Variants in ALK observed in about 807,000 individuals in gnomAD.
The protein encoded by ALK is ALK receptor tyrosine kinase, also known as ALK tyrosine kinase receptor.
In ALK, 74 loss-of-function variants were observed where a neutral mutation model predicts 163.1. The ratio of observed to expected loss-of-function variants is 0.45; its 90% confidence interval spans 0.38 to 0.55. The LOEUF (loss-of-function observed/expected upper bound fraction) is 0.55. Among genes scored for constraint, ALK ranks in the 20% least tolerant of loss-of-function variants. ALK has a pLI of 0.00. For synonymous variants in ALK, 960 were observed against 843.2 expected (o/e 1.14, Z -2.40); for missense variants, 2,063 against 2,105.3 (o/e 0.98, Z 0.39).
chr2:29,499,412 T>G (rs2148130880), intron 4 of ALK, among the ~76,000 whole-genome samples: 1 of 152,262 alleles, frequency 6.6e-6, no homozygotes, highest in East Asian at 1.9e-4. Context: ...GTCAGGTTGG[T>G]TTTGAACCCC....
intron 3 of ALK, among the ~76,000 whole-genome samples, chr2:29,672,079 G>A (rs1677709471): frequency 7.1e-6 from 1 of 141,838 alleles, no homozygotes; most frequent in Non-Finnish European, 1.5e-5. Flanking sequence ...ATTTGAATTA[G>A]AGTCTCAGAT....
At chr2:29,293,776 T>C (rs1666102456) in intron 9 of ALK, among the ~76,000 whole-genome samples, 1 of 150,938 alleles carries the variant, frequency 6.6e-6, no homozygotes, top group South Asian at 2.1e-4. Flanking sequence ...TATTAGGGAG[T>C]TTTAAAGGCA....
chr2:29,557,991 C>T (rs1417246259), intron 3 of ALK, among the ~76,000 whole-genome samples: 3 of 152,174 alleles, frequency 2.0e-5, no homozygotes, highest in Admixed American at 1.3e-4. Context: ...CTCTTTCCTC[C>T]TCCAGGTCTG....
intron 1 of ALK, among the ~76,000 whole-genome samples, chr2:29,886,659 G>C (rs4547492): frequency 1.3e-5 from 2 of 152,184 alleles, no homozygotes; most frequent in African/African-American, 4.8e-5. Context: ...GGGTGAAAGA[G>C]ACACTCAAGT....
chr2:29,386,906 G>T (rs888759751), intron 4 of ALK, among the ~76,000 whole-genome samples: 1 of 152,220 alleles, frequency 6.6e-6, no homozygotes, highest in Non-Finnish European at 1.5e-5. Flanking sequence ...TTCTTGGTCT[G>T]CCTCCATTTT....
chr2:29,677,988 T>A (rs1488750487), intron 3 of ALK, among the ~76,000 whole-genome samples: 4 of 152,082 alleles, frequency 2.6e-5, no homozygotes, highest in Non-Finnish European at 5.9e-5. Context: ...CAGATTTTAA[T>A]ATTTCTTCCT....
intron 1 of ALK, among the ~76,000 whole-genome samples, chr2:29,888,264 A>ATTTTTTTTTTTT (rs1401782243): frequency 1.5e-4 from 21 of 142,282 alleles, no homozygotes; most frequent in African/African-American, 5.0e-4. Flanking sequence ...TTTTTTTTAA[A>ATTTTTTTTTTTT]AAAAGGGAAA....
chr2:29,418,511 C>T (rs1430156230), intron 4 of ALK, among the ~76,000 whole-genome samples: 1 of 152,148 alleles, frequency 6.6e-6, no homozygotes, highest in African/African-American at 2.4e-5. Flanking sequence ...AGACTGTACC[C>T]ACGATGTAAT....
intron 3 of ALK, among the ~76,000 whole-genome samples, chr2:29,599,296 A>G (rs1281384712): frequency 6.6e-6 from 1 of 152,228 alleles, no homozygotes; most frequent in African/African-American, 2.4e-5. Context: ...CAGATGTGAT[A>G]AAATAAAAAT....
At chr2:29,591,804 T>A (rs1043639359) in intron 3 of ALK, among the ~76,000 whole-genome samples, 10 of 150,196 alleles carry the variant, frequency 6.7e-5, no homozygotes, top group Non-Finnish European at 1.3e-4. Context: ...CATCCCTGAG[T>A]GGCAGAAGCG....
chr2:29,735,774 A>T (rs554827130), intron 1 of ALK, among the ~76,000 whole-genome samples: 85 of 152,114 alleles, frequency 5.6e-4, no homozygotes, highest in South Asian at 4.1e-3. Context: ...TTCTTTCTCC[A>T]GCTGCCATGT....
intron 20 of ALK, among the ~76,000 whole-genome samples, chr2:29,222,838 T>C (rs551063714): frequency 6.6e-6 from 1 of 152,258 alleles, no homozygotes; most frequent in African/African-American, 2.4e-5. Context: ...ATGACAATGG[T>C]CAAATGTTTA....
intron 1 of ALK, among the ~76,000 whole-genome samples, chr2:29,833,396 T>C (rs975427829): frequency 1.3e-5 from 2 of 152,216 alleles, no homozygotes; most frequent in African/African-American, 4.8e-5. Flanking sequence ...CTGCCTGTTT[T>C]CAGGTCCATC....
intron 3 of ALK, among the ~76,000 whole-genome samples, chr2:29,687,763 C>G (rs907888216): frequency 2.0e-5 from 3 of 152,046 alleles, no homozygotes; most frequent in African/African-American, 7.2e-5. Context: ...CATTCTTTAA[C>G]TTGCTTTTTG....
chr2:29,207,034 C>T (rs1276305645), intron 26 of ALK, 137 bp downstream of exon 26: 3 of 727,806 alleles, frequency 4.1e-6, no homozygotes, highest in Non-Finnish European at 7.5e-6. Flanking sequence ...TTGAGAACCA[C>T]TGTTGTCGGG....
intron 1 of ALK, among the ~76,000 whole-genome samples, chr2:29,725,756 G>T (rs1679554006): frequency 6.6e-6 from 1 of 152,058 alleles, no homozygotes; most frequent in Non-Finnish European, 1.5e-5. Flanking sequence ...TCAAGACATG[G>T]ACCTATTTCA....
intron 27 of ALK, among the ~76,000 whole-genome samples, chr2:29,197,260 G>A (rs898751243): frequency 2.6e-5 from 4 of 152,158 alleles, no homozygotes; most frequent in Non-Finnish European, 5.9e-5. Context: ...GACTGGGCCT[G>A]GGACACACAT....
At chr2:29,526,005 G>A (rs1013994370) in intron 4 of ALK, among the ~76,000 whole-genome samples, 1 of 152,104 alleles carries the variant, frequency 6.6e-6, no homozygotes, top group African/African-American at 2.4e-5. Context: ...CAATGGGACT[G>A]GTACTTTGGG....
chr2:29,677,070 T>C (rs1208358128), intron 3 of ALK, among the ~76,000 whole-genome samples: 1 of 152,098 alleles, frequency 6.6e-6, no homozygotes, highest in Admixed American at 6.6e-5. Context: ...ATTCATCTTA[T>C]CTGCTAATAA....
Sources: gnomAD v4.1 joint callset for allele counts (sites outside exome capture counted in the v4.1 genomes callset) on GRCh38, gnomAD v4.1.1 for gene constraint, MANE v1.5 for transcripts, NCBI Gene and HGNC (gene_info 2026-07-23, HGNC 2026-07-21) for gene names.